STK33: variants seen among roughly 807,000 people sequenced by gnomAD.
STK33 encodes the protein serine/threonine kinase 33, also known as serine/threonine-protein kinase 33.
STK33 carries 52 observed loss-of-function variants against 58.0 expected under a neutral mutation model. The observed-to-expected ratio is 0.90, with a 90% confidence interval of 0.72 to 1.13. STK33 has a LOEUF of 1.13. Among genes scored for constraint, STK33 ranks in the 50% most tolerant of loss-of-function variants. The pLI, the probability that STK33 is intolerant of heterozygous loss-of-function variation, is 0.00. For missense variants in STK33, 630 were observed against 604.2 expected (o/e 1.04, Z -0.45); for synonymous variants, 215 against 200.1 (o/e 1.07, Z -0.63).
chr11:8,418,135 G>A (rs1230040587), intron 14 of STK33, among the ~76,000 whole-genome samples: 1 of 151,786 alleles, frequency 6.6e-6, no homozygotes, highest in African/African-American at 2.4e-5. Context: ...ACCTGAGCAG[G>A]TTTCTTATAT....
At position 8,460,436 on chromosome 11, in the gene STK33, C is replaced by T. The variant is rs533498266; in HGVS notation, c.558+1369G>A. Reference sequence around the variant, plus strand: ...TTTCCACTGGAAGAGATTAACAACACATACAATACTACACAGAGAGATTAC... The same window carrying T: ...TTTCCACTGGAAGAGATTAACAACATATACAATACTACACAGAGAGATTAC... On this transcript the variant is annotated intron_variant, in intron 8 of 15. Coordinates refer to ENST00000687296, the MANE Select transcript of STK33 (RefSeq NM_001352389.2). Among the ~76,000 whole-genome samples, 6 of 152,060 alleles carry T rather than the reference C, an allele frequency of 3.9e-5. No individual in the cohort carries two copies. In the South Asian group the frequency reaches 1.2e-3, roughly 32 times the overall value.
chr11:8,411,979 G>A (rs1007430648), intron 15 of STK33, among the ~76,000 whole-genome samples: 3 of 152,142 alleles, frequency 2.0e-5, no homozygotes, highest in Non-Finnish European at 4.4e-5. Context: ...AGGAGTGGGA[G>A]GGGAAAAGTG....
intron 1 of STK33, among the ~76,000 whole-genome samples, chr11:8,501,683 C>T (rs1023414601): frequency 6.6e-6 from 1 of 152,158 alleles, no homozygotes; most frequent in African/African-American, 2.4e-5. Context: ...AGCAATTCTA[C>T]TCTTAGATCC....
intron 15 of STK33, among the ~76,000 whole-genome samples, chr11:8,401,895 G>A (rs1452246862): frequency 1.3e-5 from 2 of 152,044 alleles, no homozygotes; most frequent in Non-Finnish European, 2.9e-5. Flanking sequence ...TCAGAGAAAT[G>A]CAAATCAAAA....
intron 1 of STK33, among the ~76,000 whole-genome samples, chr11:8,563,132 G>A (rs186357400): frequency 6.6e-6 from 1 of 152,274 alleles, no homozygotes; most frequent in Non-Finnish European, 1.5e-5. Context: ...AAATGAGTAA[G>A]TACCCTGTAT....
the STK33 span, among the ~76,000 whole-genome samples, chr11:8,385,250 T>C: frequency 6.6e-6 from 1 of 152,244 alleles, no homozygotes; most frequent in African/African-American, 2.4e-5. Flanking sequence ...TTTGCATAAT[T>C]CATTTACACA....
chr11:8,571,764 C>T (rs1257591240), intron 1 of STK33, among the ~76,000 whole-genome samples: 1 of 150,058 alleles, frequency 6.7e-6, no homozygotes, highest in African/African-American at 2.5e-5. Context: ...ACCCGGGAGG[C>T]GGAGCTTGCA....
chr11:8,416,785 A>C (rs910584883), intron 14 of STK33, among the ~76,000 whole-genome samples: 35 of 152,162 alleles, frequency 2.3e-4, no homozygotes, highest in Admixed American at 1.3e-4. Flanking sequence ...CCAGAATAAG[A>C]GTATTATCCC....
chr11:8,543,096 T>C (rs981555879), intron 1 of STK33, among the ~76,000 whole-genome samples: 4 of 152,168 alleles, frequency 2.6e-5, no homozygotes, highest in African/African-American at 7.2e-5. Context: ...CAAATATGTA[T>C]CTACTCATTC....
At chr11:8,581,257 C>A (rs186729393) in intron 1 of STK33, among the ~76,000 whole-genome samples, 1 of 152,172 alleles carries the variant, frequency 6.6e-6, no homozygotes, top group Non-Finnish European at 1.5e-5. Flanking sequence ...TTCCTATTCA[C>A]ATCTCATAAT....
the STK33 span, among the ~76,000 whole-genome samples, chr11:8,383,792 A>C: frequency 5.3e-5 from 8 of 152,294 alleles, no homozygotes; most frequent in East Asian, 1.5e-3. Context: ...AGGGAGACAC[A>C]CTTGCTGTGT....
intron 6 of STK33, among the ~76,000 whole-genome samples, chr11:8,472,400 TCC>T (rs34096183): frequency 6.6e-6 from 1 of 152,218 alleles, no homozygotes; most frequent in South Asian, 2.1e-4. Flanking sequence ...CATGCAACTC[TCC>T]CTTTCACTTG....
At chr11:8,553,174 A>ATATATATATATATATATATGGTG (rs1956436484) in intron 1 of STK33, among the ~76,000 whole-genome samples, 44 of 67,814 alleles carry the variant, frequency 6.5e-4, no homozygotes, top group African/African-American at 2.9e-3. Context: ...TAAAATATAT[A>ATATATATATATATATATATGGTG]TATATATATA....
chr11:8,536,422 T>C (rs1188477818), intron 1 of STK33, among the ~76,000 whole-genome samples: 1 of 152,090 alleles, frequency 6.6e-6, no homozygotes, highest in African/African-American at 2.4e-5. Flanking sequence ...CACCGTAAAA[T>C]TTCAGAACAC....
intron 9 of STK33, 142 bp downstream of exon 9, chr11:8,457,199 A>G: frequency 1.5e-6 from 1 of 688,166 alleles, no homozygotes; most frequent in Non-Finnish European, 2.1e-6. Context: ...AAAGTTAAAA[A>G]GGAAACATTT....
intron 15 of STK33, among the ~76,000 whole-genome samples, chr11:8,409,582 A>G (rs1590829622): frequency 1.3e-5 from 2 of 152,358 alleles, no homozygotes; most frequent in East Asian, 3.9e-4. Flanking sequence ...AATCTTCCAC[A>G]GTACCTTAAG....
intron 1 of STK33, among the ~76,000 whole-genome samples, chr11:8,544,792 C>G (rs913353036): frequency 9.2e-5 from 14 of 152,214 alleles, no homozygotes; most frequent in African/African-American, 3.1e-4. Context: ...GGATAAATTA[C>G]AAACACTAAG....
the STK33 span, among the ~76,000 whole-genome samples, chr11:8,351,211 G>A: frequency 1.3e-5 from 2 of 152,032 alleles, no homozygotes; most frequent in African/African-American, 4.8e-5. Context: ...ACTAAATCCA[G>A]CTGGAAGCCT....
chr11:8,340,773 C>G, the STK33 span, among the ~76,000 whole-genome samples: 2 of 152,212 alleles, frequency 1.3e-5, no homozygotes, highest in African/African-American at 4.8e-5. Context: ...TCTATGCACC[C>G]CTGTTCTACA....
Sources: gnomAD v4.1 joint callset for allele counts (sites outside exome capture counted in the v4.1 genomes callset) on GRCh38, gnomAD v4.1.1 for gene constraint, MANE v1.5 for transcripts, NCBI Gene and HGNC (gene_info 2026-07-23, HGNC 2026-07-21) for gene names.